F2R: variants seen among roughly 807,000 people sequenced by gnomAD.
F2R encodes coagulation factor II thrombin receptor.
A neutral mutation model predicts 18.3 loss-of-function variants in F2R; 12 were observed. The ratio of observed to expected loss-of-function variants is 0.66; its 90% CI spans 0.42 to 1.06. The LOEUF is 1.06. Ranked by LOEUF, F2R falls within the 50% of genes least tolerant of loss-of-function variation. The probability of loss-of-function intolerance (pLI) is 0.00; values close to 1 mark genes in which losing one functional copy is unlikely to be tolerated. For synonymous variants in F2R, 210 were observed against 219.9 expected, an observed-to-expected ratio of 0.95 and a Z score of 0.40; for missense variants, 438 against 530.8, an observed-to-expected ratio of 0.83 and a Z score of 1.72.
intron 1 of F2R, among the ~76,000 whole-genome samples, chr5:76,731,987 C>T (rs147820016): frequency 7.4e-4 from 112 of 152,254 alleles, no homozygotes; most frequent in African/African-American, 2.3e-3. Flanking sequence ...CAGTGGCTAG[C>T]GTGGAAATCA....
intron 1 of F2R, among the ~76,000 whole-genome samples, chr5:76,721,262 CTGTT>C (rs1470091576): frequency 1.3e-5 from 2 of 152,152 alleles, no homozygotes; most frequent in Non-Finnish European, 2.9e-5. Context: ...TCATAATTTT[CTGTT>C]TGTTTCCTTT....
In F2R at chr5:76,733,446, A is replaced by AATGG; in HGVS notation, c.1224_1227dup (p.Thr410GlyfsTer5). ...GCAGTGGGCAGTTGATGGCAAGTAA[A>AATGG]ATGGATACCTGCTCTAGTAACCTGA... On this transcript the variant is annotated frameshift_variant, in exon 2 of 2. Coordinates refer to ENST00000319211, the MANE Select transcript of F2R (RefSeq NM_001992.5). LOFTEE classifies it high-confidence loss of function. 1 of 1,614,170 alleles carries AATGG rather than the reference A, an allele frequency of 6.2e-7. No individual in the cohort carries two copies. The highest frequency in any genetic ancestry group is 8.5e-7 in the Non-Finnish European group (1 of 1,180,032).
chr5:76,735,317 A>C lies in F2R; in HGVS notation c.*1814A>C, dbSNP rs546054294. The C allele has an allele frequency of 6.6e-6, 1 of 151,670 alleles. No individual in the cohort carries two copies. Among genetic ancestry groups the C allele is most frequent in the South Asian group, 2.1e-4 (1 of 4,798 alleles). The allele number at this position is 151,670 out of a possible 1,614,324, so 9.4% of individuals were successfully genotyped here. ...TGAAACCCGTCTCTACTAAAAATGC[A>C]AAAAAAATTAGCCGGGCGTGGTGGC... On this transcript the variant is annotated 3_prime_UTR_variant, in exon 2 of 2. Coordinates refer to ENST00000319211, the MANE Select transcript of F2R (RefSeq NM_001992.5).
At chr5:76,719,448 G>T (rs1265635520) in intron 1 of F2R, among the ~76,000 whole-genome samples, 3 of 152,180 alleles carry the variant, frequency 2.0e-5, no homozygotes, top group Non-Finnish European at 4.4e-5. Flanking sequence ...AATTAGCTGG[G>T]TATGGTGGTG....
At chr5:76,728,635 T>G (rs1748614212) in intron 1 of F2R, among the ~76,000 whole-genome samples, 1 of 151,062 alleles carries the variant, frequency 6.6e-6, no homozygotes, top group Non-Finnish European at 1.5e-5. Context: ...ACTGGGCTAT[T>G]ATAAATAATT....
chr5:76,723,128 G>A (rs1386953610), intron 1 of F2R, among the ~76,000 whole-genome samples: 1 of 152,082 alleles, frequency 6.6e-6, no homozygotes, highest in Admixed American at 6.5e-5. Context: ...CAAGTTGTTG[G>A]CATGTGTGGT....
chr5:76,732,159 C>CT (rs1748678773), intron 1 of F2R, among the ~76,000 whole-genome samples, 155 bp from the exon 2 acceptor site: 2 of 152,196 alleles, frequency 1.3e-5, no homozygotes, highest in Non-Finnish European at 2.9e-5. Context: ...GGCTTATTCT[C>CT]TAATAAAGTC....
At position 76,733,014 on chromosome 5, in the gene F2R, C is replaced by T. The variant is rs755668907; in HGVS notation, c.789C>T (p.Leu263=). The change falls in exon 2 of 2, where the codon CTC becomes CTT. Residue 263 remains leucine, a synonymous_variant. Coordinates refer to ENST00000319211, the MANE Select transcript of F2R (RefSeq NM_001992.5). The part of the protein sequence containing the change: ...TCHDVLNETL[L]EGYYAYYFSA... Reference sequence around the variant, plus strand: ...ATGATGTGCTCAATGAAACCCTGCTCGAAGGCTACTATGCCTACTACTTCT... The same window carrying T: ...ATGATGTGCTCAATGAAACCCTGCTTGAAGGCTACTATGCCTACTACTTCT... 2.5e-6 allele frequency: 4 copies of T among 1,614,140 alleles called. No homozygotes were observed. In the South Asian group the frequency reaches 4.4e-5, roughly 18 times the overall value.
In F2R at chr5:76,733,515, G is replaced by A. The variant is rs780116373; in HGVS notation, c.*12G>A. 1.1e-5 allele frequency: 18 copies of A among 1,575,330 alleles called. No individual in the cohort carries two copies. The highest frequency in any genetic ancestry group is 2.0e-5 in the Admixed American group (1 of 51,160). ...AGCTGTTAACTTAGGAAAAGGGACTGCTGGGAGGTTAAAAAGAAAAGTTTA... is the reference window on the plus strand; with the variant it reads ...AGCTGTTAACTTAGGAAAAGGGACTACTGGGAGGTTAAAAAGAAAAGTTTA... On this transcript the variant is annotated 3_prime_UTR_variant, in exon 2 of 2. Transcript: ENST00000319211.
rs2227788 is a variant in F2R, at chr5:76,728,752, G to A, written c.89-3562G>A. Reference sequence around the variant, plus strand: ...GTCGGCCAGGCTGGAGTGCAATGGCGCAATCTCAGCTCACTGCAACCTCCG... The same window carrying A: ...GTCGGCCAGGCTGGAGTGCAATGGCACAATCTCAGCTCACTGCAACCTCCG... On this transcript the variant is annotated intron_variant, in intron 1 of 1. Transcript: ENST00000319211. Among the ~76,000 whole-genome samples, 476 of 142,794 alleles carry A rather than the reference G, an allele frequency of 3.3e-3. 1 individual carries two copies. Among genetic ancestry groups the A allele is most frequent in the African/African-American group, 0.011 (437 of 38,838 alleles). 93.7% of individuals were successfully genotyped at this position (142,794 alleles called of 152,430 possible). A position where few individuals can be genotyped will look rare whatever the true frequency, so the allele number is the denominator to read the frequency against.
chr5:76,727,886 C>CTT (rs535105741), intron 1 of F2R, among the ~76,000 whole-genome samples: 5 of 127,788 alleles, frequency 3.9e-5, no homozygotes, highest in South Asian at 2.5e-4. Flanking sequence ...GACTGGGTCA[C>CTT]TTTTTTTTTT....
chr5:76,727,973 G>A (rs1374474680), intron 1 of F2R, among the ~76,000 whole-genome samples: 3 of 149,274 alleles, frequency 2.0e-5, no homozygotes, highest in South Asian at 2.1e-4. Context: ...CTGTAGCCTC[G>A]ATCTCCCAGG....
At chr5:76,716,562 T>C in intron 1 of F2R, 167 bp downstream of exon 1, 1 of 703,168 alleles carries the variant, frequency 1.4e-6, no homozygotes, top group Non-Finnish European at 2.4e-6. Context: ...AGGTGGGGCG[T>C]GCCACCCCCT....
At chr5:76,731,344 C>T (rs193161981) in intron 1 of F2R, among the ~76,000 whole-genome samples, 111 of 152,070 alleles carry the variant, frequency 7.3e-4, no homozygotes, top group African/African-American at 2.7e-3. Flanking sequence ...TCTGGTGGCA[C>T]GTGCCTGTAA....
intron 1 of F2R, among the ~76,000 whole-genome samples, chr5:76,719,285 A>G (rs527791879): frequency 1.1e-4 from 17 of 152,314 alleles, no homozygotes; most frequent in African/African-American, 3.4e-4. Context: ...TTAAGTCACA[A>G]GTTGAGAAAG....
chr5:76,725,237 C>T lies in F2R; in HGVS notation c.89-7077C>T, dbSNP rs1019668183. ...CACAGTCAGAAAACGTGTTGCCTAA[C>T]TCACTAATTTTTAAAAATCGCCACA... On this transcript the variant is annotated intron_variant, in intron 1 of 1. Coordinates refer to ENST00000319211, the MANE Select transcript of F2R (RefSeq NM_001992.5). Among the ~76,000 whole-genome samples, 5 of 152,310 alleles carry T rather than the reference C, an allele frequency of 3.3e-5. No homozygotes were observed. The East Asian group carries it at 9.6e-4, about 29-fold the overall frequency.
At position 76,716,374 on chromosome 5, in the gene F2R, C is replaced by A; in HGVS notation, c.67C>A (p.Arg23Ser). The stretch of plus-strand genomic sequence containing the variant: ...TCTGTGCGGCCCGCTGTTGTCTGCC[C>A]GCACCCGGGCCCGCAGGCCAGGTGA... ...FSLCGPLLSA[R>S]TRARRPESKA... Residue 23 changes from arginine (R) to serine (S), a missense_variant, in exon 1 of 2, where the codon CGC becomes AGC. By Grantham distance (110) the Arg-to-Ser change is moderately radical. Coordinates refer to ENST00000319211, the MANE Select transcript of F2R (RefSeq NM_001992.5). 2 of 1,457,146 alleles carry A rather than the reference C, an allele frequency of 1.4e-6. No homozygotes were observed. Among genetic ancestry groups the A allele is most frequent in the Admixed American group, 2.6e-5 (1 of 38,774 alleles). The allele number at this position is 1,457,146 out of a possible 1,614,324, so 90.3% of individuals were successfully genotyped here.
chr5:76,728,493 C>T (rs113855638), intron 1 of F2R, among the ~76,000 whole-genome samples: 267 of 152,248 alleles, frequency 1.8e-3, no homozygotes, highest in African/African-American at 6.0e-3. Flanking sequence ...TATGCCCTCT[C>T]GGCTCATCCA....
intron 1 of F2R, among the ~76,000 whole-genome samples, chr5:76,726,101 G>A (rs952047872): frequency 1.3e-5 from 2 of 152,128 alleles, no homozygotes; most frequent in Admixed American, 6.5e-5. Flanking sequence ...TTATTTTAAG[G>A]TTCCTTGGCC....
Sources: gnomAD v4.1 joint callset for allele counts (sites outside exome capture counted in the v4.1 genomes callset) on GRCh38, gnomAD v4.1.1 for gene constraint, MANE v1.5 for transcripts, NCBI Gene and HGNC (gene_info 2026-07-23, HGNC 2026-07-21) for gene names.